PACRG: variants seen among roughly 807,000 people sequenced by gnomAD.
PACRG encodes parkin coregulated, also known as parkin coregulated gene protein.
A neutral mutation model predicts 29.7 loss-of-function variants in PACRG; 29 were observed. The ratio of observed to expected loss-of-function variants is 0.98; its 90% confidence interval spans 0.73 to 1.33. PACRG has a LOEUF of 1.33. PACRG is among the 40% of genes most tolerant of loss of function. The pLI is 0.00. For synonymous variants in PACRG, 116 were observed against 118.7 expected (o/e 0.98, Z 0.15); for missense variants, 279 against 316.2 (o/e 0.88, Z 0.89).
rs1689464749 is a variant in PACRG, at chr6:163,176,522, C to T, written c.613+87114C>T. 3.3e-5 allele frequency among the ~76,000 whole-genome samples: 5 copies of T among 152,038 alleles called. No individual in the cohort carries two copies. The South Asian group carries it at 8.3e-4, about 25-fold the overall frequency. On this transcript the variant is annotated intron_variant, in intron 4 of 4. Transcript: ENST00000366888. ...TATTGAAACCTACCAGGCTAAAAAG[C>T]ATTGTGCTAAAAGCTGGAAAAGAAA...
At position 163,276,171 on chromosome 6, in the gene PACRG, C is replaced by T. The variant is rs565925246; in HGVS notation, c.614-38656C>T. Among the ~76,000 whole-genome samples, 46 of 152,038 alleles carry T rather than the reference C, an allele frequency of 3.0e-4. No individual in the cohort carries two copies. The East Asian group carries it at 7.6e-3, about 25-fold the overall frequency. ...TCTCCCACATAGCTGGGACTACAGG[C>T]GAGCGCTACCATGCCTGGCTAATTT... On this transcript the variant is annotated intron_variant, in intron 4 of 4. Transcript: ENST00000366888.
At chr6:163,258,346 C>G (rs1378755666) in intron 4 of PACRG, among the ~76,000 whole-genome samples, 1 of 152,132 alleles carries the variant, frequency 6.6e-6, no homozygotes, top group Non-Finnish European at 1.5e-5. Context: ...GTGGAATATA[C>G]CTTCCAGCAG....
intron 1 of PACRG, among the ~76,000 whole-genome samples, chr6:162,739,398 G>C (rs1241327403): frequency 6.6e-6 from 1 of 152,042 alleles, no homozygotes; most frequent in Non-Finnish European, 1.5e-5. Context: ...TCTAGATATG[G>C]ATATGTTCTG....
chr6:162,922,993 A>G (rs1479169682), intron 2 of PACRG, among the ~76,000 whole-genome samples: 1 of 152,194 alleles, frequency 6.6e-6, no homozygotes, highest in African/African-American at 2.4e-5. Flanking sequence ...AATGGTTTTC[A>G]TAATGGCTGT....
rs114934518 is a variant in PACRG at position 162,788,141 on chromosome 6, A to G, written c.157-26006A>G. 5.9e-3 allele frequency among the ~76,000 whole-genome samples: 886 copies of G among 151,280 alleles called. 11 individuals are homozygous for G. Among genetic ancestry groups the G allele is most frequent in the African/African-American group, 0.02 (812 of 40,568 alleles). On this transcript the variant is annotated intron_variant, in intron 1 of 4. Transcript: ENST00000366888. ...TATCATACAGAGTTTTTTGAGTGCC[A>G]TAAAATACTTCCGTGACCCCCTATT...
chr6:162,739,970 A>T (rs574643788), intron 1 of PACRG, among the ~76,000 whole-genome samples: 1 of 151,834 alleles, frequency 6.6e-6, no homozygotes, highest in South Asian at 2.1e-4. Flanking sequence ...TTTAACTGCA[A>T]ATTTACTTTT....
intron 4 of PACRG, among the ~76,000 whole-genome samples, chr6:163,257,428 G>C (rs1386416253): frequency 6.6e-6 from 1 of 152,160 alleles, no homozygotes; most frequent in East Asian, 1.9e-4. Flanking sequence ...ATAAGAAATA[G>C]TTCCATGAGA....
At chr6:163,058,801 G>A (rs1319759352) in intron 2 of PACRG, among the ~76,000 whole-genome samples, 1 of 152,258 alleles carries the variant, frequency 6.6e-6, no homozygotes, top group African/African-American at 2.4e-5. Flanking sequence ...TCGGGAGGCT[G>A]AGGTGGGAGA....
chr6:163,058,092 A>G (rs1810746606), intron 2 of PACRG, among the ~76,000 whole-genome samples: 1 of 152,234 alleles, frequency 6.6e-6, no homozygotes, highest in African/African-American at 2.4e-5. Context: ...ATTTAGGGTA[A>G]CTCAGGTAGA....
At chr6:162,947,611 CATATATATATATATAT>C (rs1170513962) in intron 2 of PACRG, among the ~76,000 whole-genome samples, 8 of 27,988 alleles carry the variant, frequency 2.9e-4, no homozygotes, top group East Asian at 2.5e-3. Context: ...TATATATAAT[CATATATATATATATAT>C]ATATATATAT....
intron 4 of PACRG, among the ~76,000 whole-genome samples, chr6:163,107,461 C>A (rs886859691): frequency 6.6e-6 from 1 of 152,152 alleles, no homozygotes; most frequent in Non-Finnish European, 1.5e-5. Flanking sequence ...CAACCCTCAA[C>A]GAGTGGGCAG....
intron 4 of PACRG, among the ~76,000 whole-genome samples, chr6:163,093,121 T>A (rs1814264484): frequency 6.6e-6 from 1 of 152,186 alleles, no homozygotes; most frequent in African/African-American, 2.4e-5. Flanking sequence ...CCTGGCATAA[T>A]CTCTCAGCTT....
intron 4 of PACRG, among the ~76,000 whole-genome samples, chr6:163,199,699 T>A (rs1057135788): frequency 1.3e-5 from 2 of 152,174 alleles, no homozygotes. Flanking sequence ...GAAACTCCAC[T>A]GAGAAGGATG....
At chr6:163,019,598 C>T (rs1352688791) in intron 2 of PACRG, among the ~76,000 whole-genome samples, 1 of 152,124 alleles carries the variant, frequency 6.6e-6, no homozygotes, top group Non-Finnish European at 1.5e-5. Context: ...GGTGACGTTC[C>T]CATTCTGGAA....
intron 1 of PACRG, among the ~76,000 whole-genome samples, chr6:162,759,271 C>T (rs1321361254): frequency 1.3e-5 from 2 of 152,160 alleles, no homozygotes; most frequent in East Asian, 3.8e-4. Context: ...ACTCACAGTG[C>T]CTTTCCAATT....
chr6:163,098,279 A>C (rs1230398339), intron 4 of PACRG, among the ~76,000 whole-genome samples: 2 of 152,128 alleles, frequency 1.3e-5, no homozygotes, highest in Non-Finnish European at 2.9e-5. Flanking sequence ...TGTGTGTGGA[A>C]CAGGCCATGT....
intron 2 of PACRG, among the ~76,000 whole-genome samples, chr6:162,902,528 T>C (rs112313593): frequency 2.0e-5 from 3 of 152,360 alleles, no homozygotes; most frequent in African/African-American, 7.2e-5. Flanking sequence ...TTTGTAGTTA[T>C]GCCCAGTGAA....
intron 1 of PACRG, among the ~76,000 whole-genome samples, chr6:162,766,812 GGC>G (rs1301888725): frequency 6.6e-6 from 1 of 151,696 alleles, no homozygotes; most frequent in African/African-American, 2.4e-5. Context: ...AATTAAGTCG[GGC>G]ATCTAACTCA....
At chr6:163,265,838 AC>A (rs1783512336) in intron 4 of PACRG, among the ~76,000 whole-genome samples, 1 of 152,226 alleles carries the variant, frequency 6.6e-6, no homozygotes. Context: ...AAACACCTAA[AC>A]TTTTATATTG....
Sources: gnomAD v4.1 joint callset for allele counts (sites outside exome capture counted in the v4.1 genomes callset) on GRCh38, gnomAD v4.1.1 for gene constraint, MANE v1.5 for transcripts, NCBI Gene and HGNC (gene_info 2026-07-23, HGNC 2026-07-21) for gene names.